The following SNED1 variants were observed in gnomAD, a reference collection of about 807,000 sequenced individuals.
SNED1 encodes sushi, nidogen and EGF like domains 1, also known as sushi, nidogen and EGF-like domain-containing protein 1.
A neutral mutation model predicts 166.7 loss-of-function variants in SNED1; 81 were observed. The observed-to-expected ratio is 0.49, with a 90% CI of 0.41 to 0.58. SNED1 has a LOEUF of 0.58. SNED1 is among the 20% of genes least tolerant of loss of function. SNED1 has a pLI of 0.00. For missense variants in SNED1, 1,604 were observed against 2,000.2 expected (o/e 0.80, Z 3.78); for synonymous variants, 762 against 822.0 (o/e 0.93, Z 1.25).
intron 1 of SNED1, among the ~76,000 whole-genome samples, chr2:241,000,746 G>A (rs1470835775): frequency 6.6e-6 from 1 of 152,254 alleles, no homozygotes; most frequent in African/African-American, 2.4e-5. Flanking sequence ...CCTTCTGGCT[G>A]CTAACAAAAC....
At chr2:241,003,155 C>A (rs557530175) in intron 1 of SNED1, among the ~76,000 whole-genome samples, 1 of 151,676 alleles carries the variant, frequency 6.6e-6, no homozygotes. Context: ...TCCCCCAGCC[C>A]CACCCTCTGT....
chr2:241,016,303 C>G (rs1292542285), intron 1 of SNED1, among the ~76,000 whole-genome samples: 1 of 147,456 alleles, frequency 6.8e-6, no homozygotes, highest in Non-Finnish European at 1.5e-5. Flanking sequence ...TCACGCTATT[C>G]TCCTGCCTTA....
Position 241,069,125 on chromosome 2 carries a change from C to T in SNED1, c.3307+102C>T, listed in dbSNP as rs1395151383. ...GTCCTCTCCAAAGCGTCCACAACAC[C>T]AGAAACCCAGCCCCTGGCCTCCCAG... is the stretch of plus-strand genomic sequence containing the variant. On this transcript the variant is annotated intron_variant, in intron 23 of 31. Coordinates refer to ENST00000310397, the MANE Select transcript of SNED1 (RefSeq NM_001080437.3). This position sits in a 1 kb window ranked among gnomAD's most constrained non-coding sequence, Gnocchi z 4.9. 1.3e-6 allele frequency: 1 copy of T among 743,958 alleles called. No homozygotes were observed. The highest frequency in any genetic ancestry group is 2.8e-5 in the East Asian group (1 of 35,782). 46.1% of individuals were successfully genotyped at this position (743,958 alleles called of 1,614,324 possible). A position where few individuals can be genotyped will look rare whatever the true frequency, so the allele number is the denominator to read the frequency against.
chr2:241,015,374 G>A (rs189127934), intron 1 of SNED1, among the ~76,000 whole-genome samples: 9 of 152,270 alleles, frequency 5.9e-5, no homozygotes, highest in Admixed American at 3.9e-4. Flanking sequence ...TCACACTATC[G>A]TAAATAGTGT....
chr2:241,059,834 C>T (rs768347056), intron 16 of SNED1, among the ~76,000 whole-genome samples: 14 of 152,182 alleles, frequency 9.2e-5, no homozygotes, highest in Admixed American at 5.2e-4. Flanking sequence ...AAAGACTCCA[C>T]CTGGAATCCG....
At position 240,999,094 on chromosome 2, in the gene SNED1, G is replaced by A. The variant is rs990573921; in HGVS notation, c.213+44G>A. 33 of 1,155,314 alleles carry A rather than the reference G, an allele frequency of 2.9e-5. No individual in the cohort carries two copies. The African/African-American group carries it at 4.7e-4, about 17-fold the overall frequency. 71.6% of individuals were successfully genotyped at this position (1,155,314 alleles called of 1,614,324 possible). ...CGCGGGGCGCCCGGGAGGGGAGGGA[G>A]CTGCGCCCCGGCCGCTGCCCGCCGG... On this transcript the variant is annotated intron_variant, in intron 1 of 31. Coordinates refer to ENST00000310397, the MANE Select transcript of SNED1 (RefSeq NM_001080437.3). The surrounding 1 kb of genome is among the most constrained non-coding windows in gnomAD (Gnocchi z 5.8).
chr2:241,081,809 G>C lies in SNED1; in HGVS notation c.4033+16G>C. The C allele has an allele frequency of 1.3e-6, 2 of 1,537,556 alleles. No individual in the cohort carries two copies. Among genetic ancestry groups the C allele is most frequent in the Non-Finnish European group, 1.8e-6 (2 of 1,131,282 alleles). On this transcript the variant is annotated intron_variant, in intron 28 of 31. Coordinates refer to ENST00000310397, the MANE Select transcript of SNED1 (RefSeq NM_001080437.3). ...TGCGAGCTCGGTAAGTCGGGGCTTG[G>C]CCTCAGGGCGCCCCTTCCAACACAG...
chr2:241,036,884 CTCGGGCT>C lies in SNED1; in HGVS notation c.903_909del (p.Gly302ArgfsTer9), dbSNP rs1472282682. 1 of 1,611,716 alleles carries C rather than the reference CTCGGGCT, an allele frequency of 6.2e-7. No homozygotes were observed. The highest frequency in any genetic ancestry group is 8.5e-7 in the Non-Finnish European group (1 of 1,179,622). On this transcript the variant is annotated frameshift_variant, in exon 5 of 32. Transcript: ENST00000310397. LOFTEE classifies it high-confidence loss of function. ...ACCCCTCCTACACCTGCTCCTGCCTCTCGGGCTTCACGGGGCGGAGGTGCCACCTGGG... is the reference window on the plus strand; with the variant it reads ...ACCCCTCCTACACCTGCTCCTGCCTCTCACGGGGCGGAGGTGCCACCTGGG...
At position 241,020,448 on chromosome 2, in the gene SNED1, C is replaced by T. The variant is rs143090984; in HGVS notation, c.214-9836C>T. Among the ~76,000 whole-genome samples the T allele has an allele frequency of 6.4e-4, 98 of 152,344 alleles. 1 individual carries two copies. In the East Asian group the frequency reaches 0.017, roughly 27 times the overall value. The stretch of plus-strand genomic sequence containing the variant: ...CGGGGGCCCCGTGACTCGAGCACCC[C>T]GCAGAGCCAGTGGCTCACGTCAGGC... On this transcript the variant is annotated intron_variant, in intron 1 of 31. Transcript: ENST00000310397.
chr2:241,009,081 C>T (rs1159553241), intron 1 of SNED1, among the ~76,000 whole-genome samples: 1 of 152,176 alleles, frequency 6.6e-6, no homozygotes, highest in East Asian at 1.9e-4. Flanking sequence ...GACGGGGGTG[C>T]CCATGAGTAA....
At chr2:241,057,412 T>TATATATATATATATATATGC (rs1553574678) in intron 16 of SNED1, among the ~76,000 whole-genome samples, 5 of 129,374 alleles carry the variant, frequency 3.9e-5, no homozygotes, top group African/African-American at 1.5e-4. Flanking sequence ...TATATATATA[T>TATATATATATATATATATGC]GCCATACGCA....
chr2:241,019,826 G>A (rs1032668807), intron 1 of SNED1, among the ~76,000 whole-genome samples: 4 of 152,216 alleles, frequency 2.6e-5, no homozygotes, highest in African/African-American at 9.6e-5. Context: ...TCTTCCAAGT[G>A]GCAGACCAGA....
chr2:241,027,942 C>T (rs1212906640), intron 1 of SNED1, among the ~76,000 whole-genome samples: 4 of 152,082 alleles, frequency 2.6e-5, no homozygotes, highest in Non-Finnish European at 5.9e-5. Flanking sequence ...ACCATGTTAG[C>T]CAGGATGGTC....
chr2:241,058,824 C>T (rs2062145194), intron 16 of SNED1, among the ~76,000 whole-genome samples: 1 of 152,098 alleles, frequency 6.6e-6, no homozygotes, highest in Non-Finnish European at 1.5e-5. Context: ...GTGGCGGGCG[C>T]CTGTAGTCCC....
chr2:241,030,499 C>T lies in SNED1; in HGVS notation c.429C>T (p.Asp143=). ...GGCACTACTTCCCCGAGCTCCTGGA[C>T]TTCAATGCCACCTGGGTTTTTGTTG... ...DVRHYFPELL[D]FNATWVFVAT... The change falls in exon 2 of 32, where the codon GAC becomes GAT. Residue 143 remains aspartate, a synonymous_variant. Coordinates refer to ENST00000310397, the MANE Select transcript of SNED1 (RefSeq NM_001080437.3). 1 of 1,613,962 alleles carries T rather than the reference C, an allele frequency of 6.2e-7. No homozygotes were observed. Among genetic ancestry groups the T allele is most frequent in the African/African-American group, 1.3e-5 (1 of 75,072 alleles).
chr2:241,041,545 C>T (rs1010267324), intron 8 of SNED1, among the ~76,000 whole-genome samples: 6 of 152,034 alleles, frequency 3.9e-5, no homozygotes, highest in African/African-American at 1.2e-4. Flanking sequence ...GTTAGCCAGA[C>T]GTGGTGCTGC....
chr2:241,030,741 C>T (rs2061142772), intron 2 of SNED1, among the ~76,000 whole-genome samples, 170 bp downstream of exon 2: 1 of 152,144 alleles, frequency 6.6e-6, no homozygotes, highest in African/African-American at 2.4e-5. Flanking sequence ...GGACACGTCC[C>T]CAACCTTCCC....
chr2:241,008,619 C>T (rs181426014), intron 1 of SNED1, among the ~76,000 whole-genome samples: 414 of 152,382 alleles, frequency 2.7e-3, no homozygotes, highest in Middle Eastern at 0.01. Flanking sequence ...CCAGCCTCAA[C>T]ACCTAGGTGC....
chr2:241,023,196 G>A (rs892179083), intron 1 of SNED1, among the ~76,000 whole-genome samples: 3 of 151,654 alleles, frequency 2.0e-5, no homozygotes, highest in African/African-American at 7.3e-5. Flanking sequence ...ACTATATATA[G>A]ATACTAAAAT....
Sources: allele counts gnomAD v4.1 joint callset (sites outside exome capture counted in the v4.1 genomes callset), GRCh38; gene constraint gnomAD v4.1.1; non-coding constraint Gnocchi (gnomAD v3.1); transcripts MANE v1.5; gene names NCBI Gene and HGNC (gene_info 2026-07-23, HGNC 2026-07-21).